The following RBFOX1 variants were observed in gnomAD, a reference collection of about 807,000 sequenced individuals.
The protein encoded by RBFOX1 is RNA binding protein fox-1 homolog 1.
In RBFOX1, 8 loss-of-function variants were observed where a neutral mutation model predicts 57.7. The ratio of observed to expected loss-of-function variants is 0.14; its 90% CI spans 0.08 to 0.25. The LOEUF is 0.25. Ranked by LOEUF, RBFOX1 falls within the 10% of genes least tolerant of loss-of-function variation. The pLI, the probability that RBFOX1 is intolerant of heterozygous loss-of-function variation, is 1.00. For missense variants in RBFOX1, 611 were observed against 548.5 expected (o/e 1.11, Z -1.14); for synonymous variants, 326 against 222.4 (o/e 1.47, Z -4.15).
chr16:7,084,560 G>C (rs536012415), intron 4 of RBFOX1, among the ~76,000 whole-genome samples: 2 of 152,270 alleles, frequency 1.3e-5, no homozygotes, highest in Admixed American at 6.5e-5. Flanking sequence ...GGAATGTCAA[G>C]GTGCTGCCTC....
chr16:6,660,058 C>T (rs1314563993), intron 3 of RBFOX1, among the ~76,000 whole-genome samples: 2 of 151,934 alleles, frequency 1.3e-5, no homozygotes, highest in Non-Finnish European at 2.9e-5. Flanking sequence ...AACATCATCT[C>T]TACCACAAAT....
intron 1 of RBFOX1, among the ~76,000 whole-genome samples, chr16:5,346,801 G>T (rs1460355447): frequency 6.6e-6 from 1 of 152,160 alleles, no homozygotes; most frequent in African/African-American, 2.4e-5. Flanking sequence ...GTAGTCAAGT[G>T]TCTCAGTCTT....
At chr16:7,054,814 G>T (rs1279949292) in intron 4 of RBFOX1, among the ~76,000 whole-genome samples, 1 of 152,140 alleles carries the variant, frequency 6.6e-6, no homozygotes, top group East Asian at 1.9e-4. Context: ...TCATGTCGAG[G>T]GTCCTTCATT....
intron 3 of RBFOX1, among the ~76,000 whole-genome samples, chr16:5,626,274 T>G (rs1453337417): frequency 6.6e-6 from 1 of 152,100 alleles, no homozygotes; most frequent in African/African-American, 2.4e-5. Context: ...GTTGGCAGGG[T>G]TGGTTTCTTC....
chr16:7,271,286 CA>C (rs762953744), intron 4 of RBFOX1, among the ~76,000 whole-genome samples: 3 of 151,830 alleles, frequency 2.0e-5, no homozygotes, highest in Non-Finnish European at 2.9e-5. Flanking sequence ...AGAACATTCA[CA>C]GGCATCTTCC....
chr16:6,491,819 G>A (rs11859292), intron 2 of RBFOX1, among the ~76,000 whole-genome samples: 36,155 of 151,948 alleles, frequency 0.24, 4,704 homozygotes, highest in Non-Finnish European at 0.29. Flanking sequence ...CCCTTTCCCC[G>A]TTTTTTTGGC....
intron 3 of RBFOX1, among the ~76,000 whole-genome samples, chr16:5,799,422 T>C (rs2054987634): frequency 6.6e-6 from 1 of 152,114 alleles, no homozygotes; most frequent in African/African-American, 2.4e-5. Flanking sequence ...TCGAACAATA[T>C]ACAGATGTAT....
At position 7,151,890 on chromosome 16, in the gene RBFOX1, G is replaced by A. The variant is rs561522421; in HGVS notation, c.27+99792G>A. On this transcript the variant is annotated intron_variant, in intron 4 of 15. Coordinates refer to ENST00000550418, the MANE Select transcript of RBFOX1 (RefSeq NM_018723.4). Reference sequence around the variant, plus strand: ...CCTATGAGAATGTAATGCTGCTGCCGATCTGACAGGAGGTGGTAATGTGAG... The same window carrying A: ...CCTATGAGAATGTAATGCTGCTGCCAATCTGACAGGAGGTGGTAATGTGAG... Among the ~76,000 whole-genome samples the A allele has an allele frequency of 5.3e-5, 8 of 152,188 alleles. No homozygotes were observed. In the South Asian group the frequency reaches 1.0e-3, roughly 20 times the overall value.
At chr16:5,732,150 T>G (rs2052396752) in intron 3 of RBFOX1, among the ~76,000 whole-genome samples, 1 of 152,226 alleles carries the variant, frequency 6.6e-6, no homozygotes, top group Admixed American at 6.5e-5. Flanking sequence ...ATTGCGGCAT[T>G]TCAGCATTTG....
intron 7 of RBFOX1, among the ~76,000 whole-genome samples, chr16:7,594,801 T>C (rs1032614734): frequency 7.2e-5 from 11 of 152,126 alleles, no homozygotes; most frequent in African/African-American, 2.4e-4. Context: ...CAAAGTAGGA[T>C]GGAAGGTTGT....
intron 1 of RBFOX1, among the ~76,000 whole-genome samples, chr16:6,082,910 C>G (rs946454387): frequency 5.9e-5 from 9 of 152,186 alleles, no homozygotes; most frequent in African/African-American, 1.9e-4. Flanking sequence ...CATAGCACCC[C>G]TGCTCTACAG....
At chr16:6,329,171 C>A (rs141382869) in intron 2 of RBFOX1, among the ~76,000 whole-genome samples, 4 of 152,138 alleles carry the variant, frequency 2.6e-5, no homozygotes, top group African/African-American at 7.2e-5. Context: ...TACCTGACTC[C>A]ATGAAGTGGA....
chr16:5,591,167 A>G (rs2046993721), intron 2 of RBFOX1, among the ~76,000 whole-genome samples: 1 of 152,184 alleles, frequency 6.6e-6, no homozygotes, highest in South Asian at 2.1e-4. Flanking sequence ...CCTCAATAAT[A>G]CATGCCCAGT....
intron 3 of RBFOX1, among the ~76,000 whole-genome samples, chr16:5,614,991 A>G (rs887251): frequency 0.11 from 16,297 of 152,182 alleles, 1,337 homozygotes; most frequent in East Asian, 0.39. Flanking sequence ...CTTTGCACCC[A>G]GATTTCCATG....
chr16:5,821,025 T>G (rs1638552815), intron 3 of RBFOX1, among the ~76,000 whole-genome samples: 1 of 152,008 alleles, frequency 6.6e-6, no homozygotes, highest in Non-Finnish European at 1.5e-5. Context: ...AAGTGCCTGA[T>G]TTTCCCTCGT....
chr16:6,592,914 T>C (rs2097732173), intron 2 of RBFOX1, among the ~76,000 whole-genome samples: 1 of 152,172 alleles, frequency 6.6e-6, no homozygotes, highest in Non-Finnish European at 1.5e-5. Context: ...GATCATTGGC[T>C]GGGCACGGTG....
intron 3 of RBFOX1, among the ~76,000 whole-genome samples, chr16:6,770,367 G>A (rs1567174089): frequency 1.3e-5 from 2 of 152,152 alleles, no homozygotes; most frequent in African/African-American, 4.8e-5. Context: ...ACTGCAGCCT[G>A]TGGGCCACAT....
intron 4 of RBFOX1, among the ~76,000 whole-genome samples, chr16:7,465,471 T>A (rs72771194): frequency 0.15 from 22,731 of 152,258 alleles, 2,286 homozygotes; most frequent in Middle Eastern, 0.28. Flanking sequence ...ATCTCTACTT[T>A]CCTATAAGGA....
intron 1 of RBFOX1, among the ~76,000 whole-genome samples, chr16:5,444,440 A>T (rs1421337139): frequency 1.3e-5 from 2 of 152,212 alleles, no homozygotes; most frequent in African/African-American, 4.8e-5. Flanking sequence ...CAAACAGAGC[A>T]TGAAGAAAAT....
Sources: gnomAD v4.1 joint callset for allele counts (sites outside exome capture counted in the v4.1 genomes callset) on GRCh38, gnomAD v4.1.1 for gene constraint, MANE v1.5 for transcripts, NCBI Gene and HGNC (gene_info 2026-07-23, HGNC 2026-07-21) for gene names.